COPA: variants seen among roughly 807,000 people sequenced by gnomAD.
COPA encodes the protein coatomer subunit alpha.
COPA carries 10 observed loss-of-function variants against 158.7 expected under a neutral mutation model. The observed-to-expected ratio is 0.06, with a 90% CI of 0.04 to 0.11. COPA has a LOEUF of 0.11. Among genes scored for constraint, COPA ranks in the 10% least tolerant of loss-of-function variants. COPA has a pLI of 1.00. For missense variants in COPA, 1,065 were observed against 1,536.7 expected, an observed-to-expected ratio of 0.69 and a Z score of 5.13; for synonymous variants, 462 against 542.8, an observed-to-expected ratio of 0.85 and a Z score of 2.07.
chr1:160,321,684 A>T (rs1659333397), intron 8 of COPA, among the ~76,000 whole-genome samples: 1 of 152,324 alleles, frequency 6.6e-6, no homozygotes, highest in Middle Eastern at 3.4e-3. Flanking sequence ...GCTACTCGAG[A>T]CGCTGAAGTA....
intron 23 of COPA, 26 bp downstream of exon 23, chr1:160,295,710 G>C (rs201172220): frequency 2.0e-4 from 322 of 1,577,134 alleles, no homozygotes; most frequent in Non-Finnish European, 2.6e-4. Flanking sequence ...AACAACAAAA[G>C]TGCTATGGGA....
At chr1:160,319,737 C>T (rs1023644018) in intron 8 of COPA, among the ~76,000 whole-genome samples, 3 of 151,216 alleles carry the variant, frequency 2.0e-5, no homozygotes, top group African/African-American at 4.9e-5. Flanking sequence ...TCAGAAAATA[C>T]AAACACATGT....
intron 25 of COPA, 33 bp from the exon 26 acceptor site, chr1:160,293,496 A>ATTTT (rs368176604): frequency 1.5e-6 from 2 of 1,332,744 alleles, no homozygotes; most frequent in African/African-American, 1.6e-5. Flanking sequence ...GTATTGAGTA[A>ATTTT]TTTTTTTTTT....
At chr1:160,316,359 A>C (rs79625620) in intron 8 of COPA, among the ~76,000 whole-genome samples, 1 of 151,056 alleles carries the variant, frequency 6.6e-6, no homozygotes, top group Non-Finnish European at 1.5e-5. Context: ...CCCTGTCTTG[A>C]AAAAAAAAGA....
intron 8 of COPA, among the ~76,000 whole-genome samples, chr1:160,314,865 G>A (rs935245422): frequency 5.3e-5 from 8 of 151,940 alleles, no homozygotes; most frequent in African/African-American, 1.7e-4. Context: ...GTACAAAGGA[G>A]GTACTCAATA....
intron 1 of COPA, among the ~76,000 whole-genome samples, chr1:160,341,507 G>C (rs1313371212): frequency 6.6e-6 from 1 of 152,126 alleles, no homozygotes; most frequent in Non-Finnish European, 1.5e-5. Context: ...TACTGCCCTA[G>C]GCTAAAGACC....
At chr1:160,291,952 G>A (rs1166050379) in intron 29 of COPA, 23 bp from the exon 30 acceptor site, 3 of 1,614,046 alleles carry the variant, frequency 1.9e-6, no homozygotes, top group Non-Finnish European at 2.5e-6. Flanking sequence ...CAGAAGGTCA[G>A]GATACAGAGA....
At chr1:160,311,843 G>C (rs1376793682) in intron 11 of COPA, 25 bp downstream of exon 11, 1 of 1,603,974 alleles carries the variant, frequency 6.2e-7, no homozygotes, top group South Asian at 1.1e-5. Context: ...AGAGGGTTTG[G>C]AGGAAAGAAA....
rs199945391 is a variant in COPA, at chr1:160,292,535, T to C, written c.2909A>G (p.Tyr970Cys). The C allele has an allele frequency of 3.1e-6, 5 of 1,613,996 alleles. No individual in the cohort carries two copies. Among genetic ancestry groups the C allele is most frequent in the Middle Eastern group, 1.6e-4 (1 of 6,062 alleles). Reference sequence around the variant, plus strand: ...GGAGGGTAGGCAGGGCAGAGCCTGATAGGTTGTGCGGCCTCGGGCGTATGT... The same window carrying C: ...GGAGGGTAGGCAGGGCAGAGCCTGACAGGTTGTGCGGCCTCGGGCGTATGT... ...LQTYARGRTT[Y>C]QALPCLPSMY... The change falls in exon 28 of 33, where the codon TAT (tyrosine) becomes TGT (cysteine). Residue 970 changes from tyrosine to cysteine, a missense_variant. Transcript: ENST00000241704.
chr1:160,334,602 T>C (rs1647676298), intron 4 of COPA, among the ~76,000 whole-genome samples: 1 of 152,252 alleles, frequency 6.6e-6, no homozygotes, highest in Admixed American at 6.5e-5. Flanking sequence ...ATATTCTTTC[T>C]AACTTAATTA....
At chr1:160,307,075 C>G (rs1399875319) in intron 14 of COPA, 88 bp downstream of exon 14, 1 of 1,316,636 alleles carries the variant, frequency 7.6e-7, no homozygotes, top group Non-Finnish European at 1.1e-6. Context: ...CGGGGGAGAA[C>G]AGAAAAAACA....
At position 160,336,162 on chromosome 1, in the gene COPA, A is replaced by G. The variant is rs1647750834; in HGVS notation, c.229-840T>C. Among the ~76,000 whole-genome samples, 3 of 151,806 alleles carry G rather than the reference A, an allele frequency of 2.0e-5. No homozygotes were observed. The South Asian group carries it at 6.2e-4, about 32-fold the overall frequency. On this transcript the variant is annotated intron_variant, in intron 3 of 32. Transcript: ENST00000241704. ...GGAGTTTGGGACCGGCCTGGCCAAC[A>G]TGGGGAAACCCTGTCTCTACAAAAA... is the stretch of plus-strand genomic sequence containing the variant.
chr1:160,327,060 C>T (rs539265821), intron 6 of COPA, among the ~76,000 whole-genome samples: 2 of 151,832 alleles, frequency 1.3e-5, no homozygotes, highest in African/African-American at 4.8e-5. Flanking sequence ...TGATAACAAA[C>T]CTTTGGAATG....
intron 17 of COPA, among the ~76,000 whole-genome samples, chr1:160,304,401 C>T (rs1658713421): frequency 6.6e-6 from 1 of 151,822 alleles, no homozygotes; most frequent in Non-Finnish European, 1.5e-5. Flanking sequence ...CGCGGTGGCT[C>T]ACGCCTGTAA....
chr1:160,337,174 C>G (rs1411195413), intron 3 of COPA, among the ~76,000 whole-genome samples: 1 of 152,140 alleles, frequency 6.6e-6, no homozygotes, highest in Non-Finnish European at 1.5e-5. Context: ...TTCAAAATGT[C>G]TTGACTCCTT....
chr1:160,317,580 T>A, intron 8 of COPA: 2 of 1,590,684 alleles, frequency 1.3e-6, no homozygotes, highest in Non-Finnish European at 1.7e-6. Context: ...TTCCAATGAA[T>A]TCATTCAGGT....
At chr1:160,304,079 A>T (rs1323898720) in intron 17 of COPA, among the ~76,000 whole-genome samples, 1 of 151,830 alleles carries the variant, frequency 6.6e-6, no homozygotes, top group Non-Finnish European at 1.5e-5. Flanking sequence ...CAATGGTACG[A>T]CCATGGATCA....
intron 13 of COPA, among the ~76,000 whole-genome samples, chr1:160,307,604 G>A (rs1658831911): frequency 7.1e-6 from 1 of 140,880 alleles, no homozygotes; most frequent in South Asian, 2.4e-4. Context: ...TGTGTCATAG[G>A]ACCCCCTCCA....
At position 160,298,890 on chromosome 1, in the gene COPA, A is replaced by G; in HGVS notation, c.1932T>C (p.Asp644=). 1 of 1,614,074 alleles carries G rather than the reference A, an allele frequency of 6.2e-7. No individual in the cohort carries two copies. Among genetic ancestry groups the G allele is most frequent in the Non-Finnish European group, 8.5e-7 (1 of 1,179,954 alleles). ...YPEVALHFVK[D]EKTRFSLALE... ...GTGCCAGACTAAAGCGAGTTTTCTCATCCTTGACAAAATGCAGTGCCACTT... is the reference window on the plus strand; with the variant it reads ...GTGCCAGACTAAAGCGAGTTTTCTCGTCCTTGACAAAATGCAGTGCCACTT... The change falls in exon 19 of 33, where the codon GAT becomes GAC. Residue 644 remains aspartate (D), a synonymous_variant. Transcript: ENST00000241704.
Sources: gnomAD v4.1 joint callset for allele counts (sites outside exome capture counted in the v4.1 genomes callset) on GRCh38, gnomAD v4.1.1 for gene constraint, MANE v1.5 for transcripts, NCBI Gene and HGNC (gene_info 2026-07-23, HGNC 2026-07-21) for gene names.